PCDH15: variants seen among roughly 807,000 people sequenced by gnomAD.
PCDH15 encodes protocadherin-15.
PCDH15 carries 129 observed loss-of-function variants against 178.5 expected under a neutral mutation model. That is an observed-to-expected ratio of 0.72 (90% CI 0.63 to 0.84). PCDH15 has a LOEUF of 0.84. PCDH15 is among the 40% of genes least tolerant of loss of function. The pLI is 0.00. For synonymous variants in PCDH15, 800 were observed against 732.0 expected, an observed-to-expected ratio of 1.09 and a Z score of -1.50; for missense variants, 2,230 against 2,099.9, an observed-to-expected ratio of 1.06 and a Z score of -1.21.
chr10:54,592,379 G>A (rs1236432163), intron 2 of PCDH15, among the ~76,000 whole-genome samples: 2 of 142,862 alleles, frequency 1.4e-5, no homozygotes, highest in African/African-American at 5.2e-5. Flanking sequence ...TCTTTTTTCA[G>A]CTTTATTGAG....
chr10:55,473,364 CT>C (rs1349994219), intron 2 of PCDH15, among the ~76,000 whole-genome samples: 1 of 151,824 alleles, frequency 6.6e-6, no homozygotes, highest in African/African-American at 2.4e-5. Flanking sequence ...CTAAATCATT[CT>C]TTTTCTTCTT....
intron 2 of PCDH15, among the ~76,000 whole-genome samples, chr10:55,049,002 T>C (rs1841085481): frequency 6.6e-6 from 1 of 151,962 alleles, no homozygotes; most frequent in Admixed American, 6.6e-5. Context: ...GCTGCTCTAA[T>C]TGCTGAAAAA....
intron 1 of PCDH15, among the ~76,000 whole-genome samples, chr10:55,223,147 C>T (rs2251023): frequency 0.94 from 142,996 of 152,054 alleles, 67,264 homozygotes; most frequent in Admixed American, 0.95. Flanking sequence ...TAATATTGAG[C>T]ATAATTTTAT....
chr10:54,694,125 A>G (rs1038757714), intron 1 of PCDH15, among the ~76,000 whole-genome samples: 88 of 152,246 alleles, frequency 5.8e-4, no homozygotes, highest in African/African-American at 1.9e-3. Flanking sequence ...AAAATTCTCA[A>G]TAAGAATTGA....
chr10:54,617,068 A>AT (rs35596332), intron 2 of PCDH15, among the ~76,000 whole-genome samples: 72,479 of 150,842 alleles, frequency 0.48, 18,485 homozygotes, highest in Non-Finnish European at 0.58. Flanking sequence ...TTATTTATTT[A>AT]TTTTTTTAAG....
chr10:54,260,214 C>T (rs986097142), intron 8 of PCDH15, among the ~76,000 whole-genome samples: 1 of 151,882 alleles, frequency 6.6e-6, no homozygotes, highest in African/African-American at 2.4e-5. Context: ...AGTTTTGTCA[C>T]GAGTTTTATT....
intron 2 of PCDH15, among the ~76,000 whole-genome samples, chr10:55,402,275 A>G (rs1274861181): frequency 2.0e-5 from 3 of 152,086 alleles, no homozygotes; most frequent in Non-Finnish European, 2.9e-5. Flanking sequence ...TATGGGGTAC[A>G]TATATTTTGA....
At chr10:54,930,967 A>C (rs1000693203) in intron 2 of PCDH15, among the ~76,000 whole-genome samples, 12 of 152,200 alleles carry the variant, frequency 7.9e-5, no homozygotes, top group African/African-American at 2.7e-4. Context: ...CAGAATTATG[A>C]ATTAGCATGA....
intron 2 of PCDH15, among the ~76,000 whole-genome samples, chr10:54,618,846 C>A (rs945406685): frequency 2.6e-5 from 4 of 151,664 alleles, no homozygotes; most frequent in Non-Finnish European, 4.4e-5. Flanking sequence ...TATGAAGACA[C>A]ACAGAGATAG....
intron 6 of PCDH15, among the ~76,000 whole-genome samples, chr10:54,342,672 G>A (rs1217758891): frequency 6.6e-6 from 1 of 152,158 alleles, no homozygotes; most frequent in Non-Finnish European, 1.5e-5. Context: ...CTTGCATCAT[G>A]TGCTTGGAAA....
At chr10:55,475,928 G>A (rs1199014855) in intron 2 of PCDH15, among the ~76,000 whole-genome samples, 3 of 151,998 alleles carry the variant, frequency 2.0e-5, no homozygotes, top group Non-Finnish European at 4.4e-5. Context: ...AACAGAATTA[G>A]GCAAACTGGC....
At chr10:55,187,142 G>A (rs983743742) in intron 1 of PCDH15, among the ~76,000 whole-genome samples, 1 of 151,760 alleles carries the variant, frequency 6.6e-6, no homozygotes, top group Non-Finnish European at 1.5e-5. Flanking sequence ...TCAGTCTAGT[G>A]GAGTGTGAAC....
At chr10:55,074,225 C>A (rs1202761852) in intron 2 of PCDH15, among the ~76,000 whole-genome samples, 1 of 152,126 alleles carries the variant, frequency 6.6e-6, no homozygotes, top group African/African-American at 2.4e-5. Context: ...TGGTTATATA[C>A]CCAGTAATGG....
chr10:54,304,092 A>G (rs2060314857), intron 8 of PCDH15, among the ~76,000 whole-genome samples: 1 of 152,092 alleles, frequency 6.6e-6, no homozygotes. Flanking sequence ...AATATTTATC[A>G]TACCAATCAT....
chr10:53,830,640 T>C (rs2076961808), intron 30 of PCDH15, among the ~76,000 whole-genome samples: 1 of 152,174 alleles, frequency 6.6e-6, no homozygotes, highest in Admixed American at 6.5e-5. Flanking sequence ...TAGTGATAAT[T>C]ACTTGACTAC....
chr10:55,094,632 G>A (rs1195708450), intron 2 of PCDH15, among the ~76,000 whole-genome samples: 1 of 151,912 alleles, frequency 6.6e-6, no homozygotes, highest in Admixed American at 6.6e-5. Context: ...TTAAGATGAA[G>A]GCTTATACAT....
At chr10:55,593,015 T>C (rs567569111) in intron 2 of PCDH15, among the ~76,000 whole-genome samples, 7 of 152,126 alleles carry the variant, frequency 4.6e-5, no homozygotes, top group African/African-American at 1.7e-4. Context: ...TGTGGTTAGA[T>C]TTAACTACAG....
intron 2 of PCDH15, among the ~76,000 whole-genome samples, chr10:55,392,577 G>T (rs951536869): frequency 6.6e-6 from 1 of 151,972 alleles, no homozygotes; most frequent in African/African-American, 2.4e-5. Flanking sequence ...AATACATTTT[G>T]ATTTATGTCC....
At chr10:53,840,181 TTCA>T in intron 29 of PCDH15, 136 bp downstream of exon 29, 5 of 1,064,450 alleles carry the variant, frequency 4.7e-6, no homozygotes, top group Non-Finnish European at 7.1e-6. Context: ...TCCTAGGTAT[TTCA>T]GGTTCTTTGC....
Sources: gnomAD v4.1 joint callset for allele counts (sites outside exome capture counted in the v4.1 genomes callset) on GRCh38, gnomAD v4.1.1 for gene constraint, MANE v1.5 for transcripts, NCBI Gene and HGNC (gene_info 2026-07-23, HGNC 2026-07-21) for gene names.